Variants in RORB observed in about 807,000 individuals in gnomAD.
RORB encodes the protein RAR related orphan receptor B, also known as nuclear receptor ROR-beta.
RORB carries 6 observed loss-of-function variants against 59.1 expected under a neutral mutation model. The observed-to-expected ratio is 0.10, with a 90% CI of 0.06 to 0.20. RORB has a LOEUF of 0.20. Among genes scored for constraint, RORB ranks in the 10% least tolerant of loss-of-function variants. RORB has a pLI of 1.00. For synonymous variants in RORB, 215 were observed against 204.5 expected, an observed-to-expected ratio of 1.05 and a Z score of -0.44; for missense variants, 320 against 560.5, an observed-to-expected ratio of 0.57 and a Z score of 4.33.
At chr9:74,634,553 G>T in intron 2 of RORB, 78 bp from the exon 3 acceptor site, 1 of 1,320,420 alleles carries the variant, frequency 7.6e-7, no homozygotes, top group Admixed American at 2.9e-5. Flanking sequence ...TGCAGAAAAT[G>T]TAGCAAATGT....
intron 1 of RORB, among the ~76,000 whole-genome samples, chr9:74,521,672 G>C (rs1235482912): frequency 6.6e-6 from 1 of 151,684 alleles, no homozygotes; most frequent in Non-Finnish European, 1.5e-5. Flanking sequence ...AAGTGACATG[G>C]ATAAACTAAG....
chr9:74,507,514 G>A (rs917934893), intron 1 of RORB, among the ~76,000 whole-genome samples: 15 of 151,986 alleles, frequency 9.9e-5, no homozygotes, highest in Admixed American at 2.6e-4. Flanking sequence ...ATAGTGCTTC[G>A]TATGAGTTTG....
intron 4 of RORB, among the ~76,000 whole-genome samples, chr9:74,653,238 C>A (rs1211600731): frequency 6.6e-6 from 1 of 152,090 alleles, no homozygotes; most frequent in East Asian, 1.9e-4. Flanking sequence ...ATTATGAAAA[C>A]CTAATGTAGG....
At chr9:74,513,847 AATGCTTCAAAAATTAC>A (rs1346701224) in intron 1 of RORB, among the ~76,000 whole-genome samples, 1 of 152,134 alleles carries the variant, frequency 6.6e-6, no homozygotes, top group Non-Finnish European at 1.5e-5. Context: ...TAAAATCTAA[AATGCTTCAAAAATTAC>A]ATCCTTTGCA....
At chr9:74,613,344 T>A (rs1823262203) in intron 1 of RORB, among the ~76,000 whole-genome samples, 1 of 152,196 alleles carries the variant, frequency 6.6e-6, no homozygotes, top group African/African-American at 2.4e-5. Flanking sequence ...CAAGGTTCTT[T>A]GCTAAAGTTT....
chr9:74,673,537 C>A (rs187301081), intron 9 of RORB, among the ~76,000 whole-genome samples: 2 of 152,142 alleles, frequency 1.3e-5, no homozygotes, highest in African/African-American at 4.8e-5. Context: ...ATTATTACTC[C>A]CCTAGGAGGG....
At chr9:74,566,317 G>A (rs1433942434) in intron 1 of RORB, among the ~76,000 whole-genome samples, 1 of 151,506 alleles carries the variant, frequency 6.6e-6, no homozygotes, top group Non-Finnish European at 1.5e-5. Flanking sequence ...TCATAGAGTT[G>A]TTGGGAAGAT....
intron 3 of RORB, 123 bp downstream of exon 3, chr9:74,634,895 C>T: frequency 1.1e-6 from 1 of 878,536 alleles, no homozygotes; most frequent in Non-Finnish European, 1.7e-6. Context: ...AAGAAAATCA[C>T]TGTGCTGCTA....
chr9:74,523,251 A>G (rs930326636), intron 1 of RORB, among the ~76,000 whole-genome samples: 2 of 150,560 alleles, frequency 1.3e-5, no homozygotes, highest in Non-Finnish European at 3.0e-5. Context: ...TTATCCTTTC[A>G]TCTTTTCGTC....
intron 1 of RORB, among the ~76,000 whole-genome samples, chr9:74,542,923 C>A (rs1418476349): frequency 6.6e-6 from 1 of 152,152 alleles, no homozygotes; most frequent in African/African-American, 2.4e-5. Context: ...GCCTTCTGAG[C>A]TTCAGCATTC....
rs1370863540 is a variant in RORB, at chr9:74,692,103, C to A, written c.*6485C>A. On this transcript the variant is annotated 3_prime_UTR_variant, in exon 10 of 10. Coordinates refer to ENST00000376896, the MANE Select transcript of RORB (RefSeq NM_006914.4). ...GTACACATTTATTTCTTGTTAATAACCTGAGGTCAGACCACTCATTTGCTG... is the reference window on the plus strand; with the variant it reads ...GTACACATTTATTTCTTGTTAATAAACTGAGGTCAGACCACTCATTTGCTG... 1 of 152,092 alleles carries A rather than the reference C, an allele frequency of 6.6e-6. No individual in the cohort carries two copies. Among genetic ancestry groups the A allele is most frequent in the Non-Finnish European group, 1.5e-5 (1 of 68,008 alleles). 9.4% of individuals were successfully genotyped at this position (152,092 alleles called of 1,614,324 possible).
At chr9:74,564,571 C>T (rs1039285459) in intron 1 of RORB, among the ~76,000 whole-genome samples, 1 of 152,142 alleles carries the variant, frequency 6.6e-6, no homozygotes, top group African/African-American at 2.4e-5. Context: ...CTCTTGGTTG[C>T]TCTGTTTTTC....
intron 1 of RORB, among the ~76,000 whole-genome samples, chr9:74,577,651 G>C (rs532552708): frequency 2.6e-5 from 4 of 152,012 alleles, no homozygotes; most frequent in South Asian, 4.1e-4. Context: ...AAGTGAAATG[G>C]GGCAGAGACA....
chr9:74,640,518 C>T (rs932956632), intron 3 of RORB, among the ~76,000 whole-genome samples: 25 of 152,010 alleles, frequency 1.6e-4, no homozygotes, highest in African/African-American at 5.8e-4. Context: ...CTCCTGACCT[C>T]GTGATCTGCC....
chr9:74,589,106 C>T (rs1822850773), intron 1 of RORB, among the ~76,000 whole-genome samples: 1 of 152,152 alleles, frequency 6.6e-6, no homozygotes, highest in Non-Finnish European at 1.5e-5. Context: ...ACCTCAGAAA[C>T]ATCACTTGAA....
At chr9:74,594,512 T>C (rs1258975451) in intron 1 of RORB, among the ~76,000 whole-genome samples, 1 of 152,220 alleles carries the variant, frequency 6.6e-6, no homozygotes, top group Non-Finnish European at 1.5e-5. Flanking sequence ...GTATATATGT[T>C]GATGTAGTAT....
chr9:74,557,001 C>A (rs948616634), intron 1 of RORB, among the ~76,000 whole-genome samples: 11 of 151,874 alleles, frequency 7.2e-5, no homozygotes, highest in Admixed American at 2.0e-4. Flanking sequence ...TATGTCCTTG[C>A]CTATTTCGTA....
In RORB at chr9:74,639,007, T is replaced by C. The variant is rs554630036; in HGVS notation, c.236-3407T>C. On this transcript the variant is annotated intron_variant, in intron 3 of 9. Coordinates refer to ENST00000376896, the MANE Select transcript of RORB (RefSeq NM_006914.4). ...AATGCAGAGCTTTTCTTTGTTGAGT[T>C]TTTAGATGTTACCCATGGCAGAGGT... Among the ~76,000 whole-genome samples the C allele has an allele frequency of 5.1e-4, 78 of 152,188 alleles. 2 individuals carry two copies. Among genetic ancestry groups the C allele is most frequent in the Non-Finnish European group, 7.8e-4 (53 of 68,036 alleles).
At chr9:74,643,743 T>C (rs1433648889) in intron 4 of RORB, among the ~76,000 whole-genome samples, 1 of 152,180 alleles carries the variant, frequency 6.6e-6, no homozygotes, top group Non-Finnish European at 1.5e-5. Context: ...GAAAGCAGGC[T>C]AGAGCTCAGG....
Sources: allele counts gnomAD v4.1 joint callset (sites outside exome capture counted in the v4.1 genomes callset), GRCh38; gene constraint gnomAD v4.1.1; transcripts MANE v1.5; gene names NCBI Gene and HGNC (gene_info 2026-07-23, HGNC 2026-07-21).